MRPS9: variants seen among roughly 807,000 people sequenced by gnomAD.
The protein encoded by MRPS9 is small ribosomal subunit protein uS9m.
A neutral mutation model predicts 59.9 loss-of-function variants in MRPS9; 45 were observed. The observed-to-expected ratio is 0.75, with a 90% confidence interval of 0.59 to 0.96. The LOEUF (loss-of-function observed/expected upper bound fraction) is 0.96. Ranked by LOEUF, MRPS9 falls within the 40% of genes least tolerant of loss-of-function variation. The pLI is 0.00. For synonymous variants in MRPS9, 171 were observed against 166.8 expected, an observed-to-expected ratio of 1.03 and a Z score of -0.19; for missense variants, 473 against 481.1, an observed-to-expected ratio of 0.98 and a Z score of 0.16.
chr2:105,047,288 G>A (rs1285459142), intron 1 of MRPS9, among the ~76,000 whole-genome samples: 2 of 151,906 alleles, frequency 1.3e-5, no homozygotes, highest in Non-Finnish European at 2.9e-5. Context: ...ATTTTAAATT[G>A]CCCTTTTCTT....
chr2:105,038,403 C>T (rs1222264722), intron 1 of MRPS9, 176 bp downstream of exon 1: 18 of 759,244 alleles, frequency 2.4e-5, no homozygotes, highest in Non-Finnish European at 3.7e-5. Context: ...GCAGTAGCCG[C>T]TCTAGAGGTT....
intron 8 of MRPS9, 58 bp from the exon 9 acceptor site, chr2:105,093,472 C>T (rs892183887): frequency 3.1e-6 from 3 of 964,720 alleles, no homozygotes; most frequent in Non-Finnish European, 4.7e-6. Context: ...GTAGTTTTAC[C>T]TGTCTCAAAG....
intron 2 of MRPS9, among the ~76,000 whole-genome samples, chr2:105,050,567 T>C (rs373125451): frequency 6.6e-6 from 1 of 152,252 alleles, no homozygotes; most frequent in East Asian, 1.9e-4. Flanking sequence ...AAAGAGATGC[T>C]ATTCTTCAGT....
intron 1 of MRPS9, among the ~76,000 whole-genome samples, chr2:105,047,233 G>A (rs902817337): frequency 6.6e-6 from 1 of 152,034 alleles, no homozygotes; most frequent in African/African-American, 2.4e-5. Context: ...ATATATTTTA[G>A]AAGGATGTGA....
At chr2:105,048,919 A>G (rs1470264621) in intron 1 of MRPS9, among the ~76,000 whole-genome samples, 1 of 152,042 alleles carries the variant, frequency 6.6e-6, no homozygotes, top group Non-Finnish European at 1.5e-5. Flanking sequence ...CATACCACTT[A>G]CAGGTATTTT....
At chr2:105,048,829 C>T (rs1385259219) in intron 1 of MRPS9, among the ~76,000 whole-genome samples, 2 of 151,818 alleles carry the variant, frequency 1.3e-5, no homozygotes, top group African/African-American at 4.8e-5. Context: ...TGCTCTTTAT[C>T]CCATGTGTCA....
At chr2:105,089,145 C>G in intron 6 of MRPS9, 76 bp downstream of exon 6, 1 of 1,108,698 alleles carries the variant, frequency 9.0e-7, no homozygotes. Flanking sequence ...TTTTTTTAGA[C>G]ATACCTGAAG....
chr2:105,077,263 G>A (rs5016392), intron 4 of MRPS9, among the ~76,000 whole-genome samples: 26,269 of 133,670 alleles, frequency 0.2, 3,375 homozygotes, highest in South Asian at 0.39. Context: ...AAAAGAAGAA[G>A]AAAAGAAATA....
chr2:105,082,808 T>C (rs529026751), intron 5 of MRPS9, among the ~76,000 whole-genome samples: 6 of 152,326 alleles, frequency 3.9e-5, no homozygotes, highest in African/African-American at 1.4e-4. Flanking sequence ...CATTTTCCTA[T>C]GGATATAATG....
intron 5 of MRPS9, among the ~76,000 whole-genome samples, chr2:105,082,704 A>T (rs1191798641): frequency 4.6e-5 from 7 of 152,190 alleles, no homozygotes; most frequent in Non-Finnish European, 1.5e-5. Flanking sequence ...ATAGGAAAGT[A>T]TAAAGTGAAG....
intron 2 of MRPS9, among the ~76,000 whole-genome samples, chr2:105,069,214 CTT>C (rs11334093): frequency 1.7e-3 from 203 of 117,656 alleles, no homozygotes; most frequent in African/African-American, 2.4e-3. Context: ...ATTGGTCAAT[CTT>C]TTTTTTTTTT....
chr2:105,091,706 A>G (rs1454991916), intron 7 of MRPS9, among the ~76,000 whole-genome samples: 1 of 152,202 alleles, frequency 6.6e-6, no homozygotes, highest in Non-Finnish European at 1.5e-5. Flanking sequence ...TTCCTTCTCC[A>G]TAAACACTTT....
intron 1 of MRPS9, among the ~76,000 whole-genome samples, chr2:105,044,387 G>T (rs923382696): frequency 1.3e-5 from 2 of 152,088 alleles, no homozygotes; most frequent in African/African-American, 4.8e-5. Context: ...ATTTTTGTGT[G>T]AATTCATTGC....
intron 4 of MRPS9, among the ~76,000 whole-genome samples, chr2:105,072,580 A>G (rs1558757669): frequency 6.6e-6 from 1 of 152,216 alleles, no homozygotes; most frequent in Non-Finnish European, 1.5e-5. Context: ...AAACATAACT[A>G]TTAGTAAGCA....
intron 9 of MRPS9, among the ~76,000 whole-genome samples, chr2:105,096,440 T>G (rs1281899749): frequency 6.6e-6 from 1 of 152,122 alleles, no homozygotes; most frequent in East Asian, 1.9e-4. Context: ...AACAAATACT[T>G]GTTCAGTTGA....
intron 4 of MRPS9, among the ~76,000 whole-genome samples, chr2:105,073,200 A>G (rs1680146176): frequency 6.6e-6 from 1 of 151,586 alleles, no homozygotes; most frequent in Non-Finnish European, 1.5e-5. Context: ...TACTAGTTGC[A>G]TCTCTTCTTA....
At chr2:105,090,900 G>A (rs2104468132) in intron 7 of MRPS9, among the ~76,000 whole-genome samples, 1 of 152,174 alleles carries the variant, frequency 6.6e-6, no homozygotes, top group Middle Eastern at 3.4e-3. Flanking sequence ...TTAATGATTT[G>A]GAAAAGTTGC....
chr2:105,097,353 G>C, intron 10 of MRPS9, 29 bp downstream of exon 10: 2 of 1,539,496 alleles, frequency 1.3e-6, no homozygotes, highest in Non-Finnish European at 1.8e-6. Context: ...CGGGCATGGT[G>C]GCCCAATACT....
At chr2:105,066,452 A>G (rs1680002883) in intron 2 of MRPS9, among the ~76,000 whole-genome samples, 1 of 152,184 alleles carries the variant, frequency 6.6e-6, no homozygotes, top group African/African-American at 2.4e-5. Context: ...ATCCTTTGCA[A>G]TCAATGCTTT....
Sources: allele counts gnomAD v4.1 joint callset (sites outside exome capture counted in the v4.1 genomes callset), GRCh38; gene constraint gnomAD v4.1.1; transcripts MANE v1.5; gene names NCBI Gene and HGNC (gene_info 2026-07-23, HGNC 2026-07-21).